The following ZNF512 variants were observed in gnomAD, a reference collection of about 807,000 sequenced individuals.
The protein encoded by ZNF512 is zinc finger protein 512.
Under a neutral mutation model 77.5 loss-of-function variants are expected in ZNF512, and 25 were observed. That is an observed-to-expected ratio of 0.32 (90% confidence interval 0.23 to 0.45). The LOEUF is 0.45. Among genes scored for constraint, ZNF512 ranks in the 20% least tolerant of loss-of-function variants. The probability of loss-of-function intolerance (pLI) is 1.00; values close to 1 mark genes in which losing one functional copy is unlikely to be tolerated. For synonymous variants in ZNF512, 246 were observed against 239.9 expected (o/e 1.03, Z -0.24); for missense variants, 483 against 692.6 (o/e 0.70, Z 3.40).
At chr2:27,614,007 AG>A (rs1672778500) in intron 10 of ZNF512, among the ~76,000 whole-genome samples, 1 of 152,128 alleles carries the variant, frequency 6.6e-6, no homozygotes, top group African/African-American at 2.4e-5. Flanking sequence ...CTAGCTTCAG[AG>A]GAGACTAAAT....
At chr2:27,603,367 C>A in intron 9 of ZNF512, 60 bp downstream of exon 9, 1 of 1,562,468 alleles carries the variant, frequency 6.4e-7, no homozygotes, top group Non-Finnish European at 8.7e-7. Flanking sequence ...GAGTCCTTAC[C>A]CCTCTATCTT....
At chr2:27,583,867 G>T (rs1198655128) in intron 2 of ZNF512, 151 bp downstream of exon 2, 1 of 829,712 alleles carries the variant, frequency 1.2e-6, no homozygotes, top group Admixed American at 3.2e-5. Flanking sequence ...AATGTGGCTA[G>T]TGCAACTGAG....
intron 3 of ZNF512, among the ~76,000 whole-genome samples, chr2:27,598,486 G>A (rs1472732447): frequency 1.3e-5 from 2 of 152,062 alleles, no homozygotes; most frequent in African/African-American, 4.8e-5. Flanking sequence ...AAAATTAGCG[G>A]GGCCTGGTGG....
chr2:27,617,209 A>G (rs1672919294), intron 12 of ZNF512: 2 of 358,780 alleles, frequency 5.6e-6, no homozygotes, highest in East Asian at 5.0e-5. Context: ...AAGATGTGGC[A>G]TATTACCTGA....
At chr2:27,610,587 T>C in intron 10 of ZNF512, among the ~76,000 whole-genome samples, 1 of 82,172 alleles carries the variant, frequency 1.2e-5, no homozygotes, top group Admixed American at 1.3e-4. Flanking sequence ...TTTTTTTTTT[T>C]TTTTTTTTTT....
At chr2:27,600,161 G>A in intron 5 of ZNF512, 108 bp downstream of exon 5, 1 of 1,238,878 alleles carries the variant, frequency 8.1e-7, no homozygotes, top group Non-Finnish European at 1.2e-6. Context: ...TAAGGAGGCA[G>A]TTACTAAGGG....
At chr2:27,603,850 G>C (rs896002949) in intron 9 of ZNF512, among the ~76,000 whole-genome samples, 6 of 151,608 alleles carry the variant, frequency 4.0e-5, no homozygotes, top group Admixed American at 2.6e-4. Context: ...CTCTTACCTT[G>C]ACCTCCCAAA....
chr2:27,583,384 GTC>G, intron 1 of ZNF512: 1 of 1,391,604 alleles, frequency 7.2e-7, no homozygotes, highest in Non-Finnish European at 9.5e-7. Flanking sequence ...CATCCCCAAT[GTC>G]TCTCATATCC....
At chr2:27,588,901 T>A (rs1034528588) in intron 2 of ZNF512, among the ~76,000 whole-genome samples, 5 of 152,214 alleles carry the variant, frequency 3.3e-5, no homozygotes, top group African/African-American at 1.2e-4. Context: ...CAATGTGTTG[T>A]AGTTTCATTG....
chr2:27,611,754 T>C (rs1297823098), intron 10 of ZNF512, among the ~76,000 whole-genome samples: 6 of 151,276 alleles, frequency 4.0e-5, no homozygotes, highest in Non-Finnish European at 7.4e-5. Context: ...CTGGAGTGCA[T>C]TGGCGTGGTC....
intron 2 of ZNF512, among the ~76,000 whole-genome samples, chr2:27,591,515 A>G (rs560610044): frequency 2.6e-5 from 4 of 152,254 alleles, no homozygotes; most frequent in Admixed American, 2.6e-4. Context: ...CCCGGGTTCA[A>G]GCATTTCTCC....
In ZNF512 at chr2:27,610,566, ATATTTTTTTTTTTTTTT is replaced by A. The variant is rs1340532659; in HGVS notation, c.1131+2529_1131+2545del. The stretch of plus-strand genomic sequence containing the variant: ...TGTGTATATATATATATATATATAT[ATATTTTTTTTTTTTTTT>A]TTTTTTTTTTTTTTTTTGAGACAGC... On this transcript the variant is annotated intron_variant, in intron 10 of 13. Transcript: ENST00000355467. 3.7e-4 allele frequency among the ~76,000 whole-genome samples: 10 copies of A among 27,014 alleles called. 3 individuals carry two copies. The highest frequency in any genetic ancestry group is 1.3e-3 in the African/African-American group (9 of 7,178). 17.7% of individuals were successfully genotyped at this position (27,014 alleles called of 152,430 possible).
chr2:27,608,679 C>G (rs187373322), intron 10 of ZNF512, among the ~76,000 whole-genome samples: 1 of 151,980 alleles, frequency 6.6e-6, no homozygotes, highest in Non-Finnish European at 1.5e-5. Context: ...ATATGACTAT[C>G]GGATAGTCTT....
In ZNF512 at chr2:27,616,307, C is replaced by T. The variant is rs750808097; in HGVS notation, c.1279C>T (p.Leu427=). 1.9e-6 allele frequency: 3 copies of T among 1,613,888 alleles called. No homozygotes were observed. Among genetic ancestry groups the T allele is most frequent in the Admixed American group, 1.7e-5 (1 of 60,022 alleles). The part of the protein sequence containing the change: ...YSSVSGLKAH[L]GSCTLGNFVA... ...CAGTGTATCTGGCCTTAAAGCTCACCTGGGCTCTTGTACATTGGTTTGTAA... is the reference window on the plus strand; with the variant it reads ...CAGTGTATCTGGCCTTAAAGCTCACTTGGGCTCTTGTACATTGGTTTGTAA... Residue 427 remains leucine, a synonymous_variant, in exon 12 of 14, where the codon CTG becomes TTG. Transcript: ENST00000355467.
At position 27,599,594 on chromosome 2, in the gene ZNF512, G is replaced by A. The variant is rs1672029350; in HGVS notation, c.289G>A (p.Val97Ile). 2 of 1,614,100 alleles carry A rather than the reference G, an allele frequency of 1.2e-6. No homozygotes were observed. Among genetic ancestry groups the A allele is most frequent in the Non-Finnish European group, 1.7e-6 (2 of 1,179,952 alleles). The change falls in exon 4 of 14, where the codon GTA becomes ATA. Residue 97 changes from valine (V) to isoleucine (I), a missense_variant. By Grantham distance (29) the Val-to-Ile change is conservative. Coordinates refer to ENST00000355467, the MANE Select transcript of ZNF512 (RefSeq NM_032434.4). The stretch of plus-strand genomic sequence containing the variant: ...GTATGGTACTTCAGGGTCAGGTGGA[G>A]TATCAGCCAAGGGGAAAAGGAAACC... Reference protein sequence around the residue: ...ATSHVEGSGGVSAKGKRKPRQ... With the variant: ...ATSHVEGSGGISAKGKRKPRQ...
At chr2:27,619,303 T>C (rs1673024280) in intron 13 of ZNF512, among the ~76,000 whole-genome samples, 1 of 151,982 alleles carries the variant, frequency 6.6e-6, no homozygotes, top group Non-Finnish European at 1.5e-5. Context: ...CTTGGGAGGC[T>C]GAGGCAGGAG....
At position 27,617,268 on chromosome 2, in the gene ZNF512, G is replaced by A. The variant is rs1672922138; in HGVS notation, c.1297-205G>A. 5.9e-6 allele frequency: 3 copies of A among 504,762 alleles called. No homozygotes were observed. The East Asian group carries it at 9.6e-5, about 16-fold the overall frequency. The allele number at this position is 504,762 out of a possible 1,614,324, so 31.3% of individuals were successfully genotyped here. A position where few individuals can be genotyped will look rare whatever the true frequency, so the allele number is the denominator to read the frequency against. On this transcript the variant is annotated intron_variant, in intron 12 of 13. Transcript: ENST00000355467. ...TGTGTTGAAGTAGGGTGGGTGATTG[G>A]AACAGAATTGCACTAGGATGGATTT... is the stretch of plus-strand genomic sequence containing the variant.
intron 9 of ZNF512, among the ~76,000 whole-genome samples, chr2:27,604,981 A>G (rs553974058): frequency 6.6e-6 from 1 of 152,196 alleles, no homozygotes; most frequent in African/African-American, 2.4e-5. Context: ...TTCATTTACC[A>G]TAATCCATTT....
At chr2:27,608,652 C>T (rs557561373) in intron 10 of ZNF512, among the ~76,000 whole-genome samples, 16 of 152,022 alleles carry the variant, frequency 1.1e-4, no homozygotes, top group African/African-American at 2.7e-4. Flanking sequence ...CTTATTTAGC[C>T]AAAAGAAGAC....
Sources: allele counts gnomAD v4.1 joint callset (sites outside exome capture counted in the v4.1 genomes callset), GRCh38; gene constraint gnomAD v4.1.1; transcripts MANE v1.5; gene names NCBI Gene and HGNC (gene_info 2026-07-23, HGNC 2026-07-21).